The following MRPL36 variants were observed in gnomAD, a reference collection of about 807,000 sequenced individuals.
MRPL36 encodes the protein mitochondrial ribosomal protein L36.
Under a neutral mutation model 2.8 loss-of-function variants are expected in MRPL36, and 1 was observed. The observed-to-expected ratio is 0.36, with a 90% CI of 0.13 to 1.69. MRPL36 has a LOEUF of 1.69. Ranked by LOEUF, MRPL36 falls within the 40% of genes most tolerant of loss-of-function variation. MRPL36 has a pLI of 0.35. For synonymous variants in MRPL36, 68 were observed against 54.8 expected, an observed-to-expected ratio of 1.24 and a Z score of -1.06; for missense variants, 148 against 132.7, an observed-to-expected ratio of 1.12 and a Z score of -0.57.
In MRPL36 at chr5:1,798,652, T is replaced by C; in HGVS notation, c.284A>G (p.His95Arg). 6.2e-7 allele frequency: 1 copy of C among 1,611,104 alleles called. No homozygotes were observed. Among genetic ancestry groups the C allele is most frequent in the Non-Finnish European group, 8.5e-7 (1 of 1,177,456 alleles). The change falls in exon 2 of 2, where the codon CAT becomes CGT. Residue 95 changes from histidine to arginine, a missense_variant. Coordinates refer to ENST00000505059, the MANE Select transcript of MRPL36 (RefSeq NM_032479.4). The stretch of plus-strand genomic sequence containing the variant: ...CATCTGTCTCTGCTTGTGCCTCGGA[T>C]GGGTTTTACAGTAGACGTACCACCG... ...RGRWYVYCKT[H>R]PRHKQRQM is the part of the protein sequence containing the mutation.
Position 1,798,910 on chromosome 5 carries a change from A to G in MRPL36, c.26T>C (p.Met9Thr). The G allele has an allele frequency of 6.3e-7, 1 of 1,594,750 alleles. No individual in the cohort carries two copies. The change falls in exon 2 of 2, where the codon ATG becomes ACG. Residue 9 changes from methionine (M) to threonine (T), a missense_variant. Coordinates refer to ENST00000505059, the MANE Select transcript of MRPL36 (RefSeq NM_032479.4). The stretch of plus-strand genomic sequence containing the variant: ...ACTGAGATAGAGCAGAGGGTTCACC[A>G]TTTTCCTTATAAAAAGATTTGCCAT... MANLFIRK[M>T]VNPLLYLSRH...
chr5:1,801,266 T>A (rs1734028053), upstream of MRPL36: 21 of 1,180,902 alleles, frequency 1.8e-5, no homozygotes, highest in Non-Finnish European at 2.3e-5. Flanking sequence ...ACCACCTGAA[T>A]CAGAGAGCAG....
chr5:1,798,568 C>A lies in MRPL36; in HGVS notation c.*56G>T. 1.3e-6 allele frequency: 2 copies of A among 1,520,898 alleles called. No individual in the cohort carries two copies. The highest frequency in any genetic ancestry group is 1.8e-6 in the Non-Finnish European group (2 of 1,115,236). 94.2% of individuals were successfully genotyped at this position (1,520,898 alleles called of 1,614,324 possible). Reference sequence around the variant, plus strand: ...TGATAATTCCTTCCATAAGATACAACCATTCTCCCAAGTGATGCGATGACG... The same window carrying A: ...TGATAATTCCTTCCATAAGATACAAACATTCTCCCAAGTGATGCGATGACG... On this transcript the variant is annotated 3_prime_UTR_variant, in exon 2 of 2. Coordinates refer to ENST00000505059, the MANE Select transcript of MRPL36 (RefSeq NM_032479.4).
chr5:1,801,063 G>T (rs79824860), upstream of MRPL36, among the ~76,000 whole-genome samples: 9,633 of 152,324 alleles, frequency 0.063, 314 homozygotes, highest in Middle Eastern at 0.095. Flanking sequence ...CCTAATCGCT[G>T]AAGGTTTCGC....
At chr5:1,799,325 T>C (rs568102284) in intron 1 of MRPL36, 1 of 157,728 alleles carries the variant, frequency 6.3e-6, no homozygotes, top group South Asian at 1.9e-4. Context: ...CTCCAACTCT[T>C]CCCAGACCCA....
upstream of MRPL36, among the ~76,000 whole-genome samples, chr5:1,800,253 C>T (rs575156971): frequency 1.7e-4 from 26 of 152,262 alleles, no homozygotes; most frequent in Admixed American, 4.6e-4. Flanking sequence ...TTATGAAAAA[C>T]TTCGGACATA....
At chr5:1,799,875 CGGGGG>C (rs368360524), upstream of MRPL36, 1 of 131,642 alleles carries the variant, frequency 7.6e-6, no homozygotes, top group African/African-American at 3.0e-5. Flanking sequence ...AAGATGGCGG[CGGGGG>C]GGGGGGTCAC....
upstream of MRPL36, chr5:1,800,007 G>C (rs1182405410): frequency 2.0e-5 from 3 of 152,194 alleles, no homozygotes; most frequent in East Asian, 5.8e-4. Context: ...GGATCGTCGT[G>C]CTGTTTGGAG....
chr5:1,800,150 G>A (rs1174728775), upstream of MRPL36, among the ~76,000 whole-genome samples: 1 of 152,212 alleles, frequency 6.6e-6, no homozygotes, highest in Non-Finnish European at 1.5e-5. Flanking sequence ...AAGAGGACAT[G>A]TTTTTAAGTG....
At chr5:1,801,138 C>T (rs1372540419), upstream of MRPL36, among the ~76,000 whole-genome samples, 3 of 152,382 alleles carry the variant, frequency 2.0e-5, no homozygotes, top group East Asian at 1.9e-4. Context: ...TGAGGCTGCA[C>T]CTGCCGGCGC....
chr5:1,801,252 G>T (rs777863750), upstream of MRPL36: 123 of 1,025,384 alleles, frequency 1.2e-4, no homozygotes, highest in Non-Finnish European at 1.6e-4. Flanking sequence ...GATGAAAACG[G>T]GTGACCACCT....
upstream of MRPL36, among the ~76,000 whole-genome samples, chr5:1,800,283 G>A (rs1733997653): frequency 6.6e-6 from 1 of 152,160 alleles, no homozygotes; most frequent in Non-Finnish European, 1.5e-5. Flanking sequence ...GGAAAGAACT[G>A]TACGGTGAAC....
At chr5:1,800,873 C>T (rs139713292), upstream of MRPL36, among the ~76,000 whole-genome samples, 198 of 152,344 alleles carry the variant, frequency 1.3e-3, 3 homozygotes, top group East Asian at 0.03. Flanking sequence ...CACACAGGAA[C>T]GCTTGCCTTG....
chr5:1,798,738 G>T lies in MRPL36; in HGVS notation c.198C>A (p.Phe66Leu), dbSNP rs1408939016. The change falls in exon 2 of 2, where the codon TTC (phenylalanine) becomes TTA (leucine). Residue 66 changes from phenylalanine to leucine, a missense_variant. Physicochemically the swap from Phe to Leu is conservative, Grantham distance 22. Coordinates refer to ENST00000505059, the MANE Select transcript of MRPL36 (RefSeq NM_032479.4). The part of the protein sequence containing the change: ...LLPHLLPALG[F>L]KNKTVLKKRC... ...GCTTCTTAAGGACAGTCTTGTTTTT[G>T]AACCCCAGCGCAGGCAGCAGATGGG... 3.7e-6 allele frequency: 6 copies of T among 1,613,838 alleles called. No individual in the cohort carries two copies. Among genetic ancestry groups the T allele is most frequent in the Non-Finnish European group, 5.1e-6 (6 of 1,179,912 alleles).
At chr5:1,800,146 A>T (rs1256852641), upstream of MRPL36, among the ~76,000 whole-genome samples, 3 of 152,194 alleles carry the variant, frequency 2.0e-5, no homozygotes, top group Admixed American at 1.3e-4. Flanking sequence ...GAGAAAGAGG[A>T]CATGTTTTTA....
At chr5:1,799,123 G>C in intron 1 of MRPL36, 176 bp from the exon 2 acceptor site, 1 of 560,678 alleles carries the variant, frequency 1.8e-6, no homozygotes. Context: ...AATCAGCCAA[G>C]TGTGCCAGGA....
At chr5:1,801,031 T>C (rs923754819), upstream of MRPL36, among the ~76,000 whole-genome samples, 6 of 152,226 alleles carry the variant, frequency 3.9e-5, no homozygotes, top group Non-Finnish European at 5.9e-5. Context: ...GCCTGTCCGC[T>C]AAATAAGAAC....
upstream of MRPL36, chr5:1,801,322 C>A (rs1480409051): frequency 2.4e-5 from 34 of 1,443,692 alleles, no homozygotes; most frequent in Non-Finnish European, 3.0e-5. Flanking sequence ...GCCCCCAGGG[C>A]GAAATAAATA....
In MRPL36 at chr5:1,799,813, G is replaced by GCCGCACGCTCTCACCCGA. The variant is rs201177987; in HGVS notation, c.-35_-34insTCGGGTGAGAGCGTGCGG. On this transcript the variant is annotated 5_prime_UTR_variant, in exon 1 of 2. Transcript: ENST00000505059. Reference sequence around the variant, plus strand: ...TTACCCGGCCGCACGCTCTCACCCGGCGCCGACCCCTGCGTCTGCGCACTG... The same window carrying GCCGCACGCTCTCACCCGA: ...TTACCCGGCCGCACGCTCTCACCCGGCCGCACGCTCTCACCCGACGCCGACCCCTGCGTCTGCGCACTG... 1 of 151,844 alleles carries GCCGCACGCTCTCACCCGA rather than the reference G, an allele frequency of 6.6e-6. No homozygotes were observed. Among genetic ancestry groups the GCCGCACGCTCTCACCCGA allele is most frequent in the East Asian group, 1.9e-4 (1 of 5,172 alleles). 9.4% of individuals were successfully genotyped at this position (151,844 alleles called of 1,614,324 possible).
Sources: gnomAD v4.1 joint callset for allele counts (sites outside exome capture counted in the v4.1 genomes callset) on GRCh38, gnomAD v4.1.1 for gene constraint, MANE v1.5 for transcripts, NCBI Gene and HGNC (gene_info 2026-07-23, HGNC 2026-07-21) for gene names.